Variants in PAK3 observed in about 807,000 individuals in gnomAD.
The protein encoded by PAK3 is p21 (RAC1) activated kinase 3.
Under a neutral mutation model 41.0 loss-of-function variants are expected in PAK3, and 4 were observed. That is an observed-to-expected ratio of 0.10 (90% CI 0.05 to 0.22). The LOEUF (loss-of-function observed/expected upper bound fraction) is 0.22. Ranked by LOEUF, PAK3 falls within the 10% of genes least tolerant of loss-of-function variation. The pLI, the probability that PAK3 is intolerant of heterozygous loss-of-function variation, is 1.00. For missense variants in PAK3, 205 were observed against 409.9 expected, an observed-to-expected ratio of 0.50 and a Z score of 4.32; for synonymous variants, 146 against 139.6, an observed-to-expected ratio of 1.05 and a Z score of -0.32.
intron 1 of PAK3, among the ~76,000 whole-genome samples, chrX:111,014,263 T>C (rs1310357265): frequency 1.8e-5 from 2 of 112,074 alleles, no homozygotes; most frequent in African/African-American, 6.5e-5. Context: ...CCTGTTGCAG[T>C]GGTGTTCAAA....
At chrX:111,048,873 A>T (rs1384071920) in intron 1 of PAK3, among the ~76,000 whole-genome samples, 3 of 112,170 alleles carry the variant, frequency 2.7e-5, no homozygotes, top group Non-Finnish European at 3.8e-5. Flanking sequence ...AAAACCTTCA[A>T]AGTGAGGTTT....
intron 1 of PAK3, among the ~76,000 whole-genome samples, chrX:110,972,069 C>T (rs1406909369): frequency 9.0e-6 from 1 of 111,085 alleles, no homozygotes; most frequent in East Asian, 2.8e-4. Context: ...TATATACACA[C>T]ATATATATAC....
intron 1 of PAK3, among the ~76,000 whole-genome samples, chrX:110,979,296 C>CTTT (rs869275249): frequency 1.1e-4 from 1 of 9,085 alleles, no homozygotes; most frequent in African/African-American, 1.7e-4. Flanking sequence ...TATTACTTTT[C>CTTT]TTTTTTTTTT....
chrX:111,073,585 T>C (rs2092762545), intron 1 of PAK3, among the ~76,000 whole-genome samples: 1 of 111,976 alleles, frequency 8.9e-6, no homozygotes, highest in Non-Finnish European at 1.9e-5. Context: ...TGAAGTTATA[T>C]GCCAATAAAT....
At chrX:111,055,260 T>C (rs2092595302) in intron 1 of PAK3, among the ~76,000 whole-genome samples, 1 of 112,105 alleles carries the variant, frequency 8.9e-6, no homozygotes, top group African/African-American at 3.2e-5. Flanking sequence ...TCCTCTTCAT[T>C]TATTGACTTG....
intron 1 of PAK3, among the ~76,000 whole-genome samples, chrX:110,977,440 G>A (rs1171672615): frequency 9.1e-6 from 1 of 110,492 alleles, no homozygotes; most frequent in Non-Finnish European, 1.9e-5. Context: ...TTTTAAAAAT[G>A]CAGCTGGAAT....
intron 1 of PAK3, among the ~76,000 whole-genome samples, chrX:111,012,566 T>C (rs2092026690): frequency 8.9e-6 from 1 of 112,042 alleles, no homozygotes; most frequent in African/African-American, 3.2e-5. Flanking sequence ...AAAGTTTCCT[T>C]TGCAGGACAA....
At chrX:111,139,424 G>A (rs2093840209) in intron 5 of PAK3, among the ~76,000 whole-genome samples, 1 of 111,970 alleles carries the variant, frequency 8.9e-6, no homozygotes, top group Non-Finnish European at 1.9e-5. Flanking sequence ...TTATGCCTTA[G>A]TATTGTTTTT....
intron 4 of PAK3, among the ~76,000 whole-genome samples, chrX:111,115,713 T>C (rs2093452236): frequency 8.9e-6 from 1 of 112,253 alleles, no homozygotes; most frequent in South Asian, 3.7e-4. Context: ...TTCTTTAACT[T>C]CCATTTCTGG....
Position 111,142,255 on chromosome X carries a change from T to C in PAK3, c.276+59T>C, listed in dbSNP as rs754346756. 19 of 704,039 alleles carry C rather than the reference T, an allele frequency of 2.7e-5. No homozygotes were observed. The Admixed American group carries it at 3.3e-4, about 12-fold the overall frequency. The allele number at this position is 704,039 out of a possible 1,213,427, so 58.0% of individuals were successfully genotyped here. On this transcript the variant is annotated intron_variant, in intron 6 of 17. Coordinates refer to ENST00000372007, the MANE Select transcript of PAK3 (RefSeq NM_002578.5). ...CGAAAGAATTCCTTTGTGAAAATAGTTTTCAAGCAAGAATTGCCATGTCCC... is the reference window on the plus strand; with the variant it reads ...CGAAAGAATTCCTTTGTGAAAATAGCTTTCAAGCAAGAATTGCCATGTCCC...
At chrX:111,166,057 A>G (rs770087077) in intron 10 of PAK3, among the ~76,000 whole-genome samples, 71 of 110,684 alleles carry the variant, frequency 6.4e-4, no homozygotes, top group African/African-American at 2.1e-3. Flanking sequence ...GTGACTGCCA[A>G]CCTTACATTG....
intron 1 of PAK3, among the ~76,000 whole-genome samples, chrX:110,946,103 G>C (rs1421526875): frequency 9.0e-6 from 1 of 111,464 alleles, no homozygotes; most frequent in East Asian, 2.8e-4. Context: ...GCCCAAGGGA[G>C]GTATGCTTGA....
intron 1 of PAK3, among the ~76,000 whole-genome samples, chrX:111,061,520 T>A (rs750341430): frequency 8.9e-6 from 1 of 112,218 alleles, no homozygotes; most frequent in African/African-American, 3.2e-5. Context: ...AGGAAATATC[T>A]TTTTTATTAT....
chrX:110,953,853 T>C (rs1321376548), intron 1 of PAK3, among the ~76,000 whole-genome samples: 3 of 111,929 alleles, frequency 2.7e-5, no homozygotes, highest in Non-Finnish European at 5.6e-5. Flanking sequence ...ATAATGAGTA[T>C]ATTTCAAGCC....
chrX:110,996,629 GCT>G (rs931123976), intron 1 of PAK3, among the ~76,000 whole-genome samples: 11 of 107,384 alleles, frequency 1.0e-4, no homozygotes, highest in Non-Finnish European at 9.7e-5. Context: ...CAAAGAGCCT[GCT>G]CTCTCTCTCT....
At chrX:110,986,750 T>C (rs1357867527) in intron 1 of PAK3, among the ~76,000 whole-genome samples, 1 of 93,584 alleles carries the variant, frequency 1.1e-5, no homozygotes. Context: ...TTTCACCAAG[T>C]GTACGCGTGT....
chrX:111,142,374 C>T (rs1336269795), intron 6 of PAK3, among the ~76,000 whole-genome samples, 178 bp downstream of exon 6: 1 of 112,624 alleles, frequency 8.9e-6, no homozygotes, highest in Non-Finnish European at 1.9e-5. Flanking sequence ...ACAGCATTGA[C>T]CAAATTATTT....
chrX:110,999,780 C>A (rs978532308), intron 1 of PAK3, among the ~76,000 whole-genome samples: 12 of 109,694 alleles, frequency 1.1e-4, no homozygotes, highest in African/African-American at 3.7e-4. Context: ...TTGAGAACAG[C>A]CTGGCCAACA....
chrX:111,051,973 G>A (rs909328434), intron 1 of PAK3, among the ~76,000 whole-genome samples: 2 of 111,991 alleles, frequency 1.8e-5, no homozygotes, highest in Non-Finnish European at 3.8e-5. Context: ...AATCTCCAAG[G>A]TCATTGTAAA....
Sources: gnomAD v4.1 joint callset for allele counts (sites outside exome capture counted in the v4.1 genomes callset) on GRCh38, gnomAD v4.1.1 for gene constraint, MANE v1.5 for transcripts, NCBI Gene and HGNC (gene_info 2026-07-23, HGNC 2026-07-21) for gene names.